Variants in ANO10 observed in about 807,000 individuals in gnomAD.
ANO10 encodes the protein anoctamin 10.
ANO10 carries 77 observed loss-of-function variants against 74.7 expected under a neutral mutation model. The observed-to-expected ratio is 1.03, with a 90% confidence interval of 0.86 to 1.25. The LOEUF is 1.25. Among genes scored for constraint, ANO10 ranks in the 50% most tolerant of loss-of-function variants. The pLI is 0.00. For synonymous variants in ANO10, 279 were observed against 284.9 expected (o/e 0.98, Z 0.21); for missense variants, 721 against 778.1 (o/e 0.93, Z 0.87).
chr3:43,656,008 C>T (rs1362420487), intron 1 of ANO10, among the ~76,000 whole-genome samples: 5 of 65,096 alleles, frequency 7.7e-5, no homozygotes, highest in Admixed American at 3.0e-4. Flanking sequence ...TAAAGGTTCT[C>T]CACGTCCCCA....
chr3:43,450,644 A>T (rs2074821771), intron 11 of ANO10, among the ~76,000 whole-genome samples: 1 of 152,182 alleles, frequency 6.6e-6, no homozygotes, highest in Non-Finnish European at 1.5e-5. Flanking sequence ...AATAACTGTC[A>T]TTTGCCACAC....
At chr3:43,494,153 T>C (rs1025255786) in intron 11 of ANO10, among the ~76,000 whole-genome samples, 1 of 151,680 alleles carries the variant, frequency 6.6e-6, no homozygotes, top group African/African-American at 2.4e-5. Flanking sequence ...AGAGCAAACA[T>C]AAAATAATTA....
At chr3:43,423,918 T>C (rs2092858447) in intron 12 of ANO10, among the ~76,000 whole-genome samples, 1 of 152,140 alleles carries the variant, frequency 6.6e-6, no homozygotes, top group South Asian at 2.1e-4. Flanking sequence ...TGAAAATAGG[T>C]GGGATTGCCA....
intron 1 of ANO10, chr3:43,636,273 G>A (rs941262612): frequency 1.3e-5 from 2 of 152,252 alleles, no homozygotes; most frequent in African/African-American, 4.8e-5. Flanking sequence ...GTCAGTGAGG[G>A]AGCTGGTTGA....
chr3:43,620,786 G>A (rs1303451113), intron 1 of ANO10, among the ~76,000 whole-genome samples: 2 of 152,170 alleles, frequency 1.3e-5, no homozygotes, highest in Non-Finnish European at 2.9e-5. Flanking sequence ...AAAGAAAAAA[G>A]TTTCAGTGGG....
intron 11 of ANO10, among the ~76,000 whole-genome samples, chr3:43,482,101 T>G (rs1245004200): frequency 6.6e-6 from 1 of 151,904 alleles, no homozygotes; most frequent in Non-Finnish European, 1.5e-5. Flanking sequence ...GCTAATTTTT[T>G]GTATTTTCAG....
At chr3:43,593,970 G>A (rs1310311690) in intron 4 of ANO10, among the ~76,000 whole-genome samples, 1 of 152,116 alleles carries the variant, frequency 6.6e-6, no homozygotes, top group East Asian at 1.9e-4. Flanking sequence ...CCTAGTCTCT[G>A]ATAAAACAGA....
At chr3:43,674,870 G>A (rs139173548) in intron 1 of ANO10, among the ~76,000 whole-genome samples, 2 of 152,230 alleles carry the variant, frequency 1.3e-5, no homozygotes, top group Non-Finnish European at 2.9e-5. Flanking sequence ...CTCCTAGAAG[G>A]GCATGACCTT....
In ANO10 at chr3:43,555,278, C is replaced by T. The variant is rs1176308464; in HGVS notation, c.1668G>A (p.Gln556=). 1 of 1,613,686 alleles carries T rather than the reference C, an allele frequency of 6.2e-7. No individual in the cohort carries two copies. The highest frequency in any genetic ancestry group is 1.1e-5 in the South Asian group (1 of 91,050). The change falls in exon 10 of 13, where the codon CAG becomes CAA. Residue 556 remains glutamine (Q), a splice_region_variant and synonymous_variant. Transcript: ENST00000292246. The part of the protein sequence containing the change: ...SEPSANIGVW[Q]LAFETMSVIS... ...AATAATTTTTTTCTCAAACAATTAC[C>T]TGCCACACACCAATATTGGCTGAAG...
chr3:43,687,012 T>C (rs1156346693), intron 1 of ANO10, among the ~76,000 whole-genome samples: 1 of 152,090 alleles, frequency 6.6e-6, no homozygotes, highest in Non-Finnish European at 1.5e-5. Flanking sequence ...GATTTTTTTT[T>C]TTTTTTTGAG....
intron 1 of ANO10, among the ~76,000 whole-genome samples, chr3:43,643,691 T>C (rs1208711434): frequency 6.7e-6 from 1 of 148,238 alleles, no homozygotes; most frequent in Non-Finnish European, 1.5e-5. Context: ...TTCTTTTTTT[T>C]TTTTTTTTTT....
At chr3:43,371,254 C>G (rs1395835331) in intron 12 of ANO10, among the ~76,000 whole-genome samples, 7 of 152,174 alleles carry the variant, frequency 4.6e-5, no homozygotes, top group African/African-American at 9.7e-5. Flanking sequence ...TCATCAGTTA[C>G]TGTTCACTAG....
intron 11 of ANO10, among the ~76,000 whole-genome samples, chr3:43,490,028 G>A (rs1173269658): frequency 6.6e-6 from 1 of 152,220 alleles, no homozygotes; most frequent in Non-Finnish European, 1.5e-5. Flanking sequence ...GGGTTCAGAA[G>A]TCCTTGAATA....
chr3:43,654,386 T>C (rs778528214), intron 1 of ANO10, among the ~76,000 whole-genome samples: 4 of 152,158 alleles, frequency 2.6e-5, no homozygotes, highest in Non-Finnish European at 4.4e-5. Flanking sequence ...GGGATAGAAT[T>C]CAGAGGGTAT....
intron 11 of ANO10, among the ~76,000 whole-genome samples, chr3:43,465,854 T>G (rs1328335665): frequency 6.6e-6 from 1 of 152,154 alleles, no homozygotes; most frequent in Non-Finnish European, 1.5e-5. Flanking sequence ...CCTAAATAAA[T>G]GGAAAGATAT....
Position 43,600,462 on chromosome 3 carries a change from C to T in ANO10, c.259G>A (p.Gly87Arg), listed in dbSNP as rs1322982038. 5 of 1,614,056 alleles carry T rather than the reference C, an allele frequency of 3.1e-6. No individual in the cohort carries two copies. The highest frequency in any genetic ancestry group is 4.2e-6 in the Non-Finnish European group (5 of 1,180,006). Reference sequence around the variant, plus strand: ...TTATCATTGCACTCTTTTACCAATCCCACTGCTTCTGCCCCTAGTAACATT... The same window carrying T: ...TTATCATTGCACTCTTTTACCAATCTCACTGCTTCTGCCCCTAGTAACATT... ...IRMLLGAEAV[G>R]LVKECNDNTM... The change falls in exon 3 of 13, where the codon GGA becomes AGA. Residue 87 changes from glycine (G) to arginine (R), a missense_variant. Physicochemically the swap from Gly to Arg is moderately radical, Grantham distance 125 (BLOSUM62 -2). Transcript: ENST00000292246.
intron 12 of ANO10, among the ~76,000 whole-genome samples, chr3:43,406,800 T>G (rs1041950296): frequency 2.0e-5 from 3 of 152,194 alleles, no homozygotes; most frequent in African/African-American, 7.2e-5. Flanking sequence ...GAAATGGGCA[T>G]TTTTACACAA....
At chr3:43,485,177 A>G (rs1007101561) in intron 11 of ANO10, 1 of 718,180 alleles carries the variant, frequency 1.4e-6, no homozygotes, top group Non-Finnish European at 2.5e-6. Context: ...ACTGGGTGAC[A>G]GCGCCTGCGG....
At chr3:43,388,239 G>T (rs955165827) in intron 12 of ANO10, among the ~76,000 whole-genome samples, 1 of 152,122 alleles carries the variant, frequency 6.6e-6, no homozygotes, top group Non-Finnish European at 1.5e-5. Context: ...AGTGCTTCAG[G>T]AGAGAGCTGG....
Sources: allele counts gnomAD v4.1 joint callset (sites outside exome capture counted in the v4.1 genomes callset), GRCh38; gene constraint gnomAD v4.1.1; transcripts MANE v1.5; gene names NCBI Gene and HGNC (gene_info 2026-07-23, HGNC 2026-07-21).